The following CFAP263 variants were observed in gnomAD, a reference collection of about 807,000 sequenced individuals.
CFAP263 encodes the protein cilia and flagella associated protein 263.
chr16:58,280,519 T>G, the CFAP263 span: 1 of 1,614,182 alleles, frequency 6.2e-7, no homozygotes, highest in Non-Finnish European at 8.5e-7. Context: ...ATATGTCTTC[T>G]GTGTCATGGT....
chr16:58,258,985 A>G, the CFAP263 span, among the ~76,000 whole-genome samples: 1 of 106,400 alleles, frequency 9.4e-6, no homozygotes, highest in Non-Finnish European at 2.0e-5. Flanking sequence ...CTCAGAAAAA[A>G]TAAATAAATA....
At chr16:58,256,726 C>T in the CFAP263 span, among the ~76,000 whole-genome samples, 3 of 152,092 alleles carry the variant, frequency 2.0e-5, no homozygotes, top group Non-Finnish European at 4.4e-5. Flanking sequence ...GGGCTGGAGC[C>T]TGAGGCCGGC....
At chr16:58,269,608 C>CT in the CFAP263 span, among the ~76,000 whole-genome samples, 3 of 152,234 alleles carry the variant, frequency 2.0e-5, no homozygotes, top group Admixed American at 2.0e-4. Flanking sequence ...TTATGAGTGG[C>CT]TTTTTTCACT....
chr16:58,252,831 TATC>T, the CFAP263 span: 1 of 1,613,994 alleles, frequency 6.2e-7, no homozygotes, highest in Admixed American at 1.7e-5. Flanking sequence ...GAAATTAAAA[TATC>T]AGCAGCAGAT....
the CFAP263 span, chr16:58,280,430 TG>T: frequency 6.2e-7 from 1 of 1,614,204 alleles, no homozygotes; most frequent in Non-Finnish European, 8.5e-7. Context: ...TCTCTAGAGC[TG>T]TTTCCTAGTC....
At chr16:58,251,352 TTG>T in the CFAP263 span, among the ~76,000 whole-genome samples, 1 of 152,176 alleles carries the variant, frequency 6.6e-6, no homozygotes, top group Non-Finnish European at 1.5e-5. Flanking sequence ...CTTTGATAGA[TTG>T]TGTTTTCCAT....
At chr16:58,276,855 T>C in the CFAP263 span, among the ~76,000 whole-genome samples, 4 of 152,222 alleles carry the variant, frequency 2.6e-5, no homozygotes, top group African/African-American at 9.6e-5. Context: ...TACACAAAGA[T>C]CTTCAAGATT....
chr16:58,277,249 C>G, the CFAP263 span, among the ~76,000 whole-genome samples: 1 of 152,020 alleles, frequency 6.6e-6, no homozygotes, highest in Non-Finnish European at 1.5e-5. Context: ...CTGCCTCAGC[C>G]TCCCAAGTAG....
the CFAP263 span, among the ~76,000 whole-genome samples, chr16:58,269,522 TA>T: frequency 6.6e-6 from 1 of 152,332 alleles, no homozygotes; most frequent in South Asian, 2.1e-4. Flanking sequence ...CAGCAGCCAC[TA>T]ATCTACTTTC....
the CFAP263 span, among the ~76,000 whole-genome samples, chr16:58,266,245 C>T: frequency 6.6e-6 from 1 of 151,428 alleles, no homozygotes; most frequent in Non-Finnish European, 1.5e-5. Context: ...TGACTGTGGC[C>T]CTGCTGCTCT....
chr16:58,255,163 G>A, the CFAP263 span, among the ~76,000 whole-genome samples: 4 of 152,280 alleles, frequency 2.6e-5, no homozygotes, highest in East Asian at 1.9e-4. Flanking sequence ...CCTTCGGTCC[G>A]TGGCCGAAGG....
the CFAP263 span, chr16:58,258,384 C>G: frequency 3.1e-6 from 5 of 1,613,898 alleles, no homozygotes; most frequent in Non-Finnish European, 4.2e-6. Flanking sequence ...ATTGAGGAGG[C>G]TGAAATTCGA....
the CFAP263 span, chr16:58,250,277 G>A: frequency 5.5e-6 from 3 of 546,696 alleles, no homozygotes; most frequent in South Asian, 2.2e-5. Context: ...GAGCCAACAA[G>A]CTGTTGGTGG....
At chr16:58,252,981 T>C in the CFAP263 span, 1 of 914,594 alleles carries the variant, frequency 1.1e-6, no homozygotes, top group Non-Finnish European at 1.7e-6. Context: ...TGTTTTACTT[T>C]TGATTTTTCT....
the CFAP263 span, among the ~76,000 whole-genome samples, chr16:58,256,846 G>A: frequency 2.6e-5 from 4 of 151,898 alleles, no homozygotes; most frequent in Non-Finnish European, 5.9e-5. Flanking sequence ...TAATATGTGT[G>A]TGTGTGTGTT....
At chr16:58,278,786 CGAA>C in the CFAP263 span, 1 of 699,016 alleles carries the variant, frequency 1.4e-6, no homozygotes, top group Non-Finnish European at 2.3e-6. Context: ...TAAACCAAGA[CGAA>C]GGATGATTTG....
At chr16:58,270,329 G>A in the CFAP263 span, among the ~76,000 whole-genome samples, 9 of 151,970 alleles carry the variant, frequency 5.9e-5, no homozygotes, top group African/African-American at 9.7e-5. Flanking sequence ...AAAAATCATC[G>A]AACACAAAGT....
chr16:58,267,796 G>C, the CFAP263 span, among the ~76,000 whole-genome samples: 21 of 152,176 alleles, frequency 1.4e-4, no homozygotes, highest in East Asian at 4.1e-3. Context: ...GCTGGGTTGG[G>C]TTCTAGAGTC....
chr16:58,271,708 C>A, the CFAP263 span, among the ~76,000 whole-genome samples: 1 of 152,078 alleles, frequency 6.6e-6, no homozygotes, highest in Non-Finnish European at 1.5e-5. Context: ...GGAGGAAGAC[C>A]ACAGACATAA....
Sources: gnomAD v4.1 joint callset for allele counts (sites outside exome capture counted in the v4.1 genomes callset) on GRCh38, gnomAD v4.1.1 for gene constraint, MANE v1.5 for transcripts, NCBI Gene and HGNC (gene_info 2026-07-23, HGNC 2026-07-21) for gene names.